ASPRV1: variants seen among roughly 807,000 people sequenced by gnomAD.
The protein encoded by ASPRV1 is aspartic peptidase retroviral like 1.
In ASPRV1, 7 loss-of-function variants were observed where a neutral mutation model predicts 11.0. The ratio of observed to expected loss-of-function variants is 0.64; its 90% CI spans 0.36 to 1.20. ASPRV1 has a LOEUF of 1.20. ASPRV1 is among the 50% of genes most tolerant of loss of function. The pLI, the probability that ASPRV1 is intolerant of heterozygous loss-of-function variation, is 0.02. For missense variants in ASPRV1, 299 were observed against 320.0 expected (o/e 0.93, Z 0.50); for synonymous variants, 136 against 138.4 (o/e 0.98, Z 0.12).
the ASPRV1 span, chr2:70,031,215 C>T: frequency 6.6e-6 from 1 of 152,138 alleles, no homozygotes; most frequent in African/African-American, 2.4e-5. Context: ...TCTTCACATG[C>T]ATGATCTCAT....
At chr2:70,044,170 C>T in the ASPRV1 span, among the ~76,000 whole-genome samples, 1 of 152,106 alleles carries the variant, frequency 6.6e-6, no homozygotes, top group Non-Finnish European at 1.5e-5. Context: ...CAAAACTCTT[C>T]CTGGAGTCTC....
the ASPRV1 span, among the ~76,000 whole-genome samples, chr2:70,083,957 C>T: frequency 6.6e-6 from 1 of 152,136 alleles, no homozygotes; most frequent in East Asian, 1.9e-4. Flanking sequence ...ACCTCTTTGC[C>T]AGACCACAGC....
the ASPRV1 span, among the ~76,000 whole-genome samples, chr2:70,007,789 C>T: frequency 6.6e-6 from 1 of 151,964 alleles, no homozygotes; most frequent in African/African-American, 2.4e-5. Context: ...GGAACTTTTG[C>T]TTTCTCCTTT....
At chr2:70,012,095 A>C in the ASPRV1 span, 1 of 151,940 alleles carries the variant, frequency 6.6e-6, no homozygotes, top group South Asian at 2.1e-4. Context: ...TGGCTCTCAA[A>C]TTATGATCCC....
chr2:70,026,821 G>A, the ASPRV1 span, among the ~76,000 whole-genome samples: 41 of 152,038 alleles, frequency 2.7e-4, no homozygotes, highest in East Asian at 6.6e-3. Context: ...AAATACCAAC[G>A]ACATTCTTCA....
At chr2:70,050,500 G>C in the ASPRV1 span, 1 of 151,890 alleles carries the variant, frequency 6.6e-6, no homozygotes, top group African/African-American at 2.4e-5. Context: ...AATTACAAGG[G>C]AAGAGATTTT....
chr2:70,068,698 G>A, the ASPRV1 span, among the ~76,000 whole-genome samples: 1 of 152,016 alleles, frequency 6.6e-6, no homozygotes, highest in Non-Finnish European at 1.5e-5. Context: ...GGGAGGCCAA[G>A]GCGGGCGGAT....
At chr2:70,007,193 G>A in the ASPRV1 span, among the ~76,000 whole-genome samples, 4 of 152,180 alleles carry the variant, frequency 2.6e-5, no homozygotes, top group South Asian at 8.3e-4. Flanking sequence ...GTGAAATACT[G>A]GGTAGCCATT....
At chr2:70,040,268 G>A in the ASPRV1 span, among the ~76,000 whole-genome samples, 1 of 152,188 alleles carries the variant, frequency 6.6e-6, no homozygotes, top group Admixed American at 6.5e-5. Context: ...AACTACTCAG[G>A]GAGGCTGAGA....
Position 69,961,242 on chromosome 2 carries a change from G to A in ASPRV1, c.195C>T (p.Val65=), listed in dbSNP as rs1210457292. 2 of 1,614,060 alleles carry A rather than the reference G, an allele frequency of 1.2e-6. No homozygotes were observed. The highest frequency in any genetic ancestry group is 1.7e-6 in the Non-Finnish European group (2 of 1,179,984). Residue 65 remains valine (V), a synonymous_variant, in exon 1 of 1, where the codon GTC becomes GTT. Transcript: ENST00000320256. The part of the protein sequence containing the change: ...KESLRGEALG[V]YNRLSPQDQG... ...GGTCCTGGGGACTGAGCCTATTGTA[G>A]ACACCCAGGGCCTCTCCTCTGAGGG...
the ASPRV1 span, among the ~76,000 whole-genome samples, chr2:69,968,879 C>T: frequency 2.6e-5 from 4 of 152,190 alleles, no homozygotes; most frequent in African/African-American, 4.8e-5. Context: ...TGGGCGTCTC[C>T]CAGGGCAGCC....
At chr2:70,069,498 C>T in the ASPRV1 span, 2 of 152,210 alleles carry the variant, frequency 1.3e-5, no homozygotes, top group Non-Finnish European at 2.9e-5. Flanking sequence ...CTCCTGACTA[C>T]TAAAAATCTA....
the ASPRV1 span, among the ~76,000 whole-genome samples, chr2:70,060,766 A>G: frequency 6.6e-6 from 1 of 152,214 alleles, no homozygotes; most frequent in Non-Finnish European, 1.5e-5. Context: ...CAGTAAGCTG[A>G]GATCGCTCCA....
chr2:69,951,074 C>T, the ASPRV1 span, among the ~76,000 whole-genome samples: 3 of 151,568 alleles, frequency 2.0e-5, no homozygotes, highest in Non-Finnish European at 4.4e-5. Flanking sequence ...AAAAATACAC[C>T]GTGTTTGACC....
At chr2:69,934,552 T>A in the ASPRV1 span, among the ~76,000 whole-genome samples, 1 of 152,174 alleles carries the variant, frequency 6.6e-6, no homozygotes, top group African/African-American at 2.4e-5. Context: ...CATCACTTCC[T>A]TCCTTATCTC....
the ASPRV1 span, among the ~76,000 whole-genome samples, chr2:69,987,360 G>A: frequency 1.5e-4 from 23 of 151,904 alleles, no homozygotes; most frequent in African/African-American, 5.1e-4. Context: ...GGAAACCCAC[G>A]GTGGGCTATC....
chr2:69,997,957 A>G, the ASPRV1 span: 5 of 152,306 alleles, frequency 3.3e-5, no homozygotes, highest in East Asian at 9.7e-4. Context: ...ATGAGACAGG[A>G]GCTGTATTCT....
chr2:70,020,238 G>GT, the ASPRV1 span, among the ~76,000 whole-genome samples: 11 of 152,132 alleles, frequency 7.2e-5, no homozygotes, highest in African/African-American at 2.7e-4. Context: ...TTCCACTCTG[G>GT]TTATATATAC....
chr2:69,975,695 C>G, the ASPRV1 span: 1 of 152,322 alleles, frequency 6.6e-6, no homozygotes, highest in Non-Finnish European at 1.5e-5. Flanking sequence ...CCTCACAGTG[C>G]CCAGCACGCA....
Sources: gnomAD v4.1 joint callset for allele counts (sites outside exome capture counted in the v4.1 genomes callset) on GRCh38, gnomAD v4.1.1 for gene constraint, MANE v1.5 for transcripts, NCBI Gene and HGNC (gene_info 2026-07-23, HGNC 2026-07-21) for gene names.